Variants in ACTR3C observed in about 807,000 individuals in gnomAD.
ACTR3C encodes actin related protein 3C, also known as actin-related protein 3C.
In ACTR3C, 18 loss-of-function variants were observed where a neutral mutation model predicts 26.3. The observed-to-expected ratio is 0.68, with a 90% CI of 0.47 to 1.01. The LOEUF is 1.01. Among genes scored for constraint, ACTR3C ranks in the 50% least tolerant of loss-of-function variants. The probability of loss-of-function intolerance (pLI) is 0.00; values close to 1 mark genes in which losing one functional copy is unlikely to be tolerated. For missense variants in ACTR3C, 184 were observed against 250.7 expected (o/e 0.73, Z 1.80); for synonymous variants, 55 against 94.5 (o/e 0.58, Z 2.42).
At chr7:150,126,584 C>T in the ACTR3C span, among the ~76,000 whole-genome samples, 5 of 152,322 alleles carry the variant, frequency 3.3e-5, no homozygotes, top group East Asian at 5.8e-4. Flanking sequence ...AAAGTTACTA[C>T]AAAAGGTGCA....
intron 3 of ACTR3C, among the ~76,000 whole-genome samples, chr7:150,290,331 AG>A (rs1836139648): frequency 6.6e-6 from 1 of 152,206 alleles, no homozygotes; most frequent in Non-Finnish European, 1.5e-5. Context: ...ACATGCCCAC[AG>A]CAATGATGGG....
At chr7:150,110,431 A>G in the ACTR3C span, among the ~76,000 whole-genome samples, 110 of 103,708 alleles carry the variant, frequency 1.1e-3, no homozygotes, top group African/African-American at 4.2e-3. Context: ...GGCTGGAAGC[A>G]GGTGGGGCTG....
the ACTR3C span, among the ~76,000 whole-genome samples, chr7:150,207,138 G>A: frequency 6.6e-6 from 1 of 152,192 alleles, no homozygotes; most frequent in African/African-American, 2.4e-5. Flanking sequence ...TTTTTACACT[G>A]ACTTTAGTCT....
chr7:149,963,215 A>C, the ACTR3C span, among the ~76,000 whole-genome samples: 1 of 149,784 alleles, frequency 6.7e-6, no homozygotes, highest in African/African-American at 2.4e-5. Context: ...TGGGCCTCAC[A>C]GATTCAAAAG....
At chr7:149,945,639 G>A in the ACTR3C span, among the ~76,000 whole-genome samples, 3,084 of 151,970 alleles carry the variant, frequency 0.02, 100 homozygotes, top group African/African-American at 0.069. Context: ...GATGGATGGG[G>A]GAGGCCTGGG....
the ACTR3C span, among the ~76,000 whole-genome samples, chr7:149,962,472 C>T: frequency 6.6e-6 from 1 of 151,956 alleles, no homozygotes; most frequent in Non-Finnish European, 1.5e-5. Context: ...GGAGGGAGCC[C>T]AGCCATGTGG....
the ACTR3C span, among the ~76,000 whole-genome samples, chr7:149,991,856 A>T: frequency 6.6e-6 from 1 of 152,214 alleles, no homozygotes; most frequent in African/African-American, 2.4e-5. Flanking sequence ...CAGCCTCTGG[A>T]GTAGCTGGGA....
At chr7:150,309,464 A>C (rs1796100718) in intron 1 of ACTR3C, among the ~76,000 whole-genome samples, 1 of 152,246 alleles carries the variant, frequency 6.6e-6, no homozygotes, top group Non-Finnish European at 1.5e-5. Flanking sequence ...CAAGGTGTTC[A>C]ACAATAAAGA....
At chr7:150,229,435 A>C in the ACTR3C span, among the ~76,000 whole-genome samples, 1 of 152,048 alleles carries the variant, frequency 6.6e-6, no homozygotes, top group South Asian at 2.1e-4. Flanking sequence ...ATCTATTGGT[A>C]TGATGATATA....
the ACTR3C span, among the ~76,000 whole-genome samples, chr7:150,105,034 T>C: frequency 1.3e-5 from 2 of 151,826 alleles, no homozygotes; most frequent in Non-Finnish European, 2.9e-5. Context: ...ATTGAGCACA[T>C]CATCAAGTAA....
chr7:149,952,171 C>T, the ACTR3C span, among the ~76,000 whole-genome samples: 3,926 of 150,246 alleles, frequency 0.026, 121 homozygotes, highest in African/African-American at 0.077. Context: ...AACGCCTTAT[C>T]TTCAAATACA....
At chr7:150,266,332 C>A (rs941435746) in intron 6 of ACTR3C, among the ~76,000 whole-genome samples, 3 of 148,774 alleles carry the variant, frequency 2.0e-5, no homozygotes, top group Non-Finnish European at 4.4e-5. Context: ...AGGGAAATAA[C>A]AGTCTTCTTC....
chr7:150,040,154 T>C, the ACTR3C span, among the ~76,000 whole-genome samples: 1 of 148,172 alleles, frequency 6.7e-6, no homozygotes, highest in Non-Finnish European at 1.5e-5. Flanking sequence ...TATTCAGGTT[T>C]TACCCAAGAA....
At chr7:150,239,611 A>G (rs1832071490), downstream of ACTR3C, among the ~76,000 whole-genome samples, 1 of 145,296 alleles carries the variant, frequency 6.9e-6, no homozygotes, top group Non-Finnish European at 1.5e-5. Flanking sequence ...TAAATGAGTT[A>G]TTACAGTTTG....
chr7:150,056,488 A>C, the ACTR3C span, among the ~76,000 whole-genome samples: 3,706 of 152,324 alleles, frequency 0.024, 150 homozygotes, highest in African/African-American at 0.084. Context: ...ATTGCATTTC[A>C]AATCATAATA....
chr7:150,201,718 A>G, the ACTR3C span, among the ~76,000 whole-genome samples: 11 of 151,426 alleles, frequency 7.3e-5, no homozygotes, highest in Non-Finnish European at 5.9e-5. Context: ...AGATTGTACC[A>G]CTGTACTCCA....
At chr7:150,112,374 G>A in the ACTR3C span, among the ~76,000 whole-genome samples, 1 of 152,100 alleles carries the variant, frequency 6.6e-6, no homozygotes, top group African/African-American at 2.4e-5. Context: ...TTTGCCCTTT[G>A]CACACACACA....
chr7:150,017,278 G>T, the ACTR3C span, among the ~76,000 whole-genome samples: 2 of 151,364 alleles, frequency 1.3e-5, no homozygotes, highest in African/African-American at 4.9e-5. Flanking sequence ...GCGCTATCTC[G>T]TGTGGCTTCC....
the ACTR3C span, among the ~76,000 whole-genome samples, chr7:149,976,339 C>T: frequency 6.6e-5 from 10 of 152,212 alleles, no homozygotes; most frequent in Admixed American, 2.0e-4. Context: ...CTTTGGGAGG[C>T]TGAGGCGGGC....
Sources: allele counts gnomAD v4.1 joint callset (sites outside exome capture counted in the v4.1 genomes callset), GRCh38; gene constraint gnomAD v4.1.1; transcripts MANE v1.5; gene names NCBI Gene and HGNC (gene_info 2026-07-23, HGNC 2026-07-21).